Variants in GRM4 observed in about 807,000 individuals in gnomAD.
The protein encoded by GRM4 is metabotropic glutamate receptor 4.
Under a neutral mutation model 81.7 loss-of-function variants are expected in GRM4, and 28 were observed. The observed-to-expected ratio is 0.34, with a 90% CI of 0.25 to 0.47. The LOEUF (loss-of-function observed/expected upper bound fraction) is 0.47. Among genes scored for constraint, GRM4 ranks in the 20% least tolerant of loss-of-function variants. The probability of loss-of-function intolerance (pLI) is 1.00; values close to 1 mark genes in which losing one functional copy is unlikely to be tolerated. For synonymous variants in GRM4, 488 were observed against 528.8 expected (o/e 0.92, Z 1.06); for missense variants, 948 against 1,290.0 (o/e 0.73, Z 4.06).
intron 3 of GRM4, among the ~76,000 whole-genome samples, chr6:34,076,615 C>T (rs980543535): frequency 6.6e-6 from 1 of 152,186 alleles, no homozygotes; most frequent in African/African-American, 2.4e-5. Flanking sequence ...GGGGTGGTAA[C>T]AGGATGCCTT....
chr6:34,052,569 T>C (rs1007959121), intron 6 of GRM4, among the ~76,000 whole-genome samples: 1 of 152,174 alleles, frequency 6.6e-6, no homozygotes, highest in Non-Finnish European at 1.5e-5. Context: ...AGGGCAGGCC[T>C]GTGGGACTGA....
chr6:34,132,876 A>T, intron 2 of GRM4, 102 bp downstream of exon 2: 1 of 925,810 alleles, frequency 1.1e-6, no homozygotes, highest in South Asian at 1.7e-5. Flanking sequence ...TGAGGAAAAA[A>T]GGAGGAAAAA....
chr6:34,137,431 G>A (rs1258016092), intron 1 of GRM4, among the ~76,000 whole-genome samples: 2 of 152,248 alleles, frequency 1.3e-5, no homozygotes, highest in Non-Finnish European at 2.9e-5. Flanking sequence ...GGGAGCTGGT[G>A]GGGGACAGCT....
chr6:34,077,641 C>T (rs895693457), intron 3 of GRM4, among the ~76,000 whole-genome samples: 3 of 152,134 alleles, frequency 2.0e-5, no homozygotes, highest in Admixed American at 6.5e-5. Flanking sequence ...CACCCCCAGC[C>T]TCCTCTCCCA....
intron 2 of GRM4, among the ~76,000 whole-genome samples, chr6:34,107,047 T>C (rs1462845238): frequency 4.6e-5 from 7 of 152,216 alleles, no homozygotes; most frequent in Admixed American, 4.6e-4. Flanking sequence ...GGCCCCTCCC[T>C]CTGCCCAGCA....
At chr6:34,154,548 T>G (rs1383092479) in intron 1 of GRM4, among the ~76,000 whole-genome samples, 2 of 150,580 alleles carry the variant, frequency 1.3e-5, no homozygotes, top group Non-Finnish European at 2.9e-5. Flanking sequence ...GGTGGTCGGA[T>G]GGACAGACAG....
intron 1 of GRM4, among the ~76,000 whole-genome samples, chr6:34,138,093 T>C (rs1475831425): frequency 2.6e-5 from 4 of 152,104 alleles, no homozygotes; most frequent in Non-Finnish European, 5.9e-5. Flanking sequence ...ACTAAGAAAA[T>C]AGAACAAAAC....
At position 34,057,977 on chromosome 6, in the gene GRM4, G is replaced by A. The variant is rs537047963; in HGVS notation, c.1027+997C>T. On this transcript the variant is annotated intron_variant, in intron 5 of 10. Transcript: ENST00000538487. The stretch of plus-strand genomic sequence containing the variant: ...GTGTGTGTGGTGGGTGGGTGGAGGC[G>A]TGTTGAATGTGTGATGGGGTAAGAG... 7.2e-5 allele frequency among the ~76,000 whole-genome samples: 11 copies of A among 152,280 alleles called. 1 individual carries two copies. The South Asian group carries it at 1.5e-3, about 20-fold the overall frequency.
At chr6:34,083,930 C>G (rs1424526410) in intron 3 of GRM4, among the ~76,000 whole-genome samples, 1 of 152,218 alleles carries the variant, frequency 6.6e-6, no homozygotes, top group East Asian at 1.9e-4. Context: ...CCCAATCATT[C>G]CTGAACCGAA....
chr6:34,041,194 AGT>A (rs2127447100), intron 6 of GRM4, among the ~76,000 whole-genome samples: 1 of 152,232 alleles, frequency 6.6e-6, no homozygotes, highest in Admixed American at 6.5e-5. Flanking sequence ...CAATGAGGGG[AGT>A]GTCCTTAAAG....
chr6:34,073,085 A>G (rs1442707551), intron 3 of GRM4, among the ~76,000 whole-genome samples: 2 of 121,856 alleles, frequency 1.6e-5, no homozygotes, highest in African/African-American at 6.3e-5. Context: ...ACACATGACC[A>G]TACAGATACA....
In GRM4 at chr6:34,074,747, G is replaced by A. The variant is rs940933337; in HGVS notation, c.737-12719C>T. Among the ~76,000 whole-genome samples, 2 of 152,230 alleles carry A rather than the reference G, an allele frequency of 1.3e-5. No homozygotes were observed. Among genetic ancestry groups the A allele is most frequent in the Non-Finnish European group, 2.9e-5 (2 of 68,038 alleles). ...CACTTAGGCAAAACACCTTTGAAGC[G>A]AGAAAGGCGGAAAAATAATAGAAAA... On this transcript the variant is annotated intron_variant, in intron 3 of 10. Coordinates refer to ENST00000538487, the MANE Select transcript of GRM4 (RefSeq NM_000841.4). This position sits in a 1 kb window ranked among gnomAD's most constrained non-coding sequence, Gnocchi z 4.9.
chr6:34,036,638 A>G lies in GRM4; in HGVS notation c.1507-35T>C, dbSNP rs1199832675. 1 of 1,222,726 alleles carries G rather than the reference A, an allele frequency of 8.2e-7. No homozygotes were observed. The highest frequency in any genetic ancestry group is 1.4e-5 in the South Asian group (1 of 73,354). 75.7% of individuals were successfully genotyped at this position (1,222,726 alleles called of 1,614,324 possible). A position where few individuals can be genotyped will look rare whatever the true frequency, so the allele number is the denominator to read the frequency against. On this transcript the variant is annotated intron_variant, in intron 8 of 10. Transcript: ENST00000538487. This position sits in a 1 kb window ranked among gnomAD's most constrained non-coding sequence, Gnocchi z 9.0. ...ACAGCACCGTAAAGCAGGCCTCAGA[A>G]CATGCCACCCGGTGCCCCGGACCAT...
At chr6:34,081,161 C>T (rs1767575422) in intron 3 of GRM4, among the ~76,000 whole-genome samples, 1 of 152,236 alleles carries the variant, frequency 6.6e-6, no homozygotes, top group Non-Finnish European at 1.5e-5. Flanking sequence ...GTTTCGGAGT[C>T]ATGCAGAACT....
At position 34,146,030 on chromosome 6, in the gene GRM4, C is replaced by T. The variant is rs1770919384; in HGVS notation, c.-394G>A. 2.0e-6 allele frequency: 2 copies of T among 985,278 alleles called. No homozygotes were observed. Among genetic ancestry groups the T allele is most frequent in the Non-Finnish European group, 2.4e-6 (2 of 829,900 alleles). 61.0% of individuals were successfully genotyped at this position (985,278 alleles called of 1,614,324 possible). On this transcript the variant is annotated 5_prime_UTR_variant, in exon 1 of 11. Coordinates refer to ENST00000538487, the MANE Select transcript of GRM4 (RefSeq NM_000841.4). ...GGACATGGCGGGGACCCCTTCTCAC[C>T]CCAGAGGGGGAGGGTCAGGAACATA...
At position 34,065,461 on chromosome 6, in the gene GRM4, G is replaced by A. The variant is rs113119598; in HGVS notation, c.737-3433C>T. The stretch of plus-strand genomic sequence containing the variant: ...AGCCCTCAGGGAACAAGCCCACTCC[G>A]TATCTCAGGGCAGAGGCTGGAGCCC... On this transcript the variant is annotated intron_variant, in intron 3 of 10. Transcript: ENST00000538487. 3.3e-3 allele frequency among the ~76,000 whole-genome samples: 502 copies of A among 152,276 alleles called. 3 individuals carry two copies. Among genetic ancestry groups the A allele is most frequent in the African/African-American group, 0.011 (448 of 41,544 alleles).
Position 34,035,646 on chromosome 6 carries a change from AC to A in GRM4, c.2442+21del, listed in dbSNP as rs773659124. On this transcript the variant is annotated intron_variant, in intron 9 of 10. Transcript: ENST00000538487. The surrounding 1 kb of genome is among the most constrained non-coding windows in gnomAD (Gnocchi z 6.6). ...CACTGCCCTCACCTACCCACCGTCC[AC>A]CCCCGGCCCCCACCACTCACCTTGT... The A allele has an allele frequency of 3.2e-6, 3 of 923,930 alleles. No individual in the cohort carries two copies. The highest frequency in any genetic ancestry group is 4.9e-6 in the Non-Finnish European group (3 of 608,234). The allele number at this position is 923,930 out of a possible 1,614,324, so 57.2% of individuals were successfully genotyped here.
chr6:34,042,066 A>T lies in GRM4; in HGVS notation c.1169-1318T>A. On this transcript the variant is annotated intron_variant, in intron 6 of 10. Coordinates refer to ENST00000538487, the MANE Select transcript of GRM4 (RefSeq NM_000841.4). The surrounding 1 kb of genome is among the most constrained non-coding windows in gnomAD (Gnocchi z 4.2). ...CAGGAGTTCAAGACCAGCCCAGCCA[A>T]CACGCTGAAACCCCATCTCTACTCA... is the stretch of plus-strand genomic sequence containing the variant. Among the ~76,000 whole-genome samples, 1 of 152,184 alleles carries T rather than the reference A, an allele frequency of 6.6e-6. No individual in the cohort carries two copies. Among genetic ancestry groups the T allele is most frequent in the East Asian group, 1.9e-4 (1 of 5,188 alleles).
intron 3 of GRM4, among the ~76,000 whole-genome samples, chr6:34,082,900 T>G (rs1767680224): frequency 6.6e-6 from 1 of 152,166 alleles, no homozygotes; most frequent in Admixed American, 6.5e-5. Flanking sequence ...GTGTCTGGGC[T>G]CTTGGCCACT....
Sources: allele counts gnomAD v4.1 joint callset (sites outside exome capture counted in the v4.1 genomes callset), GRCh38; gene constraint gnomAD v4.1.1; non-coding constraint Gnocchi (gnomAD v3.1); transcripts MANE v1.5; gene names NCBI Gene and HGNC (gene_info 2026-07-23, HGNC 2026-07-21).